The following MCPH1 variants were observed in gnomAD, a reference collection of about 807,000 sequenced individuals.
The protein encoded by MCPH1 is microcephalin.
In MCPH1, 104 loss-of-function variants were observed where a neutral mutation model predicts 84.5. That is an observed-to-expected ratio of 1.23 (90% CI 1.05 to 1.45). MCPH1 has a LOEUF of 1.45. Among genes scored for constraint, MCPH1 ranks in the 40% most tolerant of loss-of-function variants. MCPH1 has a pLI of 0.00. For missense variants in MCPH1, 1,498 were observed against 1,005.7 expected (o/e 1.49, Z -6.62); for synonymous variants, 514 against 366.8 (o/e 1.40, Z -4.58).
Position 6,445,466 on chromosome 8 carries a change from C to T in MCPH1, c.1744C>T (p.His582Tyr), listed in dbSNP as rs1210056774. The T allele has an allele frequency of 6.2e-7, 1 of 1,614,082 alleles. No homozygotes were observed. Among genetic ancestry groups the T allele is most frequent in the African/African-American group, 1.3e-5 (1 of 74,930 alleles). ...NSSEGEAQSE[H>Y]EPCFIVDCNM... is the part of the protein sequence containing the mutation. ...CTCTGAAGGCGAAGCCCAGAGTGAA[C>T]ATGAGCCATGTTTTATAGTTGACTG... The change falls in exon 8 of 14, where the codon CAT becomes TAT. Residue 582 changes from histidine (H) to tyrosine (Y), a missense_variant. Physicochemically the swap from His to Tyr is moderately conservative, Grantham distance 83. Transcript: ENST00000344683.
At chr8:6,625,614 G>T in intron 13 of MCPH1, 2 of 985,328 alleles carry the variant, frequency 2.0e-6, no homozygotes, top group South Asian at 9.4e-5. Flanking sequence ...CAACTGCTTT[G>T]TAAGGTAGGG....
intron 12 of MCPH1, among the ~76,000 whole-genome samples, chr8:6,552,863 A>C (rs79992356): frequency 0.02 from 2,983 of 152,102 alleles, 105 homozygotes; most frequent in African/African-American, 0.069. Context: ...CAGTCCGAAA[A>C]GGCTGTATAT....
chr8:6,643,359 G>A lies in MCPH1; in HGVS notation c.*310G>A, dbSNP rs952930000. On this transcript the variant is annotated 3_prime_UTR_variant, in exon 14 of 14. Transcript: ENST00000344683. ...GGCTCACTGCAACCTCCACCTCCCA[G>A]GTTCAAGCGATTCTGCTGCCTCAGC... 4 of 373,854 alleles carry A rather than the reference G, an allele frequency of 1.1e-5. No individual in the cohort carries two copies. Among genetic ancestry groups the A allele is most frequent in the African/African-American group, 8.3e-5 (4 of 47,998 alleles). 23.2% of individuals were successfully genotyped at this position (373,854 alleles called of 1,614,324 possible). A position where few individuals can be genotyped will look rare whatever the true frequency, so the allele number is the denominator to read the frequency against.
intron 11 of MCPH1, among the ~76,000 whole-genome samples, chr8:6,499,260 C>T (rs970898518): frequency 7.9e-5 from 12 of 151,806 alleles, no homozygotes; most frequent in African/African-American, 2.4e-4. Context: ...ATCATTTTAC[C>T]GTGTGGGGAT....
At chr8:6,424,954 T>G (rs1800840372) in intron 3 of MCPH1, among the ~76,000 whole-genome samples, 1 of 152,360 alleles carries the variant, frequency 6.6e-6, no homozygotes, top group South Asian at 2.1e-4. Flanking sequence ...AAAAGATTAA[T>G]GTACTTTTCC....
Position 6,406,731 on chromosome 8 carries a change from A to C in MCPH1, c.22+42A>C, listed in dbSNP as rs761490464. On this transcript the variant is annotated intron_variant, in intron 1 of 13. Coordinates refer to ENST00000344683, the MANE Select transcript of MCPH1 (RefSeq NM_024596.5). Reference sequence around the variant, plus strand: ...TGCCTGCTCCAGCAGCGGGAGTTTGAGGACCGGCACCCCTCGTCGCGGGCG... The same window carrying C: ...TGCCTGCTCCAGCAGCGGGAGTTTGCGGACCGGCACCCCTCGTCGCGGGCG... 15 of 1,608,034 alleles carry C rather than the reference A, an allele frequency of 9.3e-6. No homozygotes were observed. The Admixed American group carries it at 2.5e-4, about 27-fold the overall frequency.
At chr8:6,514,806 G>T (rs1341144243) in intron 12 of MCPH1, 1 of 1,596,748 alleles carries the variant, frequency 6.3e-7, no homozygotes, top group African/African-American at 1.3e-5. Flanking sequence ...GGGTATAAGT[G>T]ACAGAGCCCC....
At chr8:6,471,970 A>G (rs1469859084) in intron 9 of MCPH1, among the ~76,000 whole-genome samples, 2 of 152,236 alleles carry the variant, frequency 1.3e-5, no homozygotes, top group East Asian at 1.9e-4. Context: ...AAATTTATTG[A>G]GAGTTCATTA....
chr8:6,441,799 C>T (rs190940785), intron 6 of MCPH1, among the ~76,000 whole-genome samples: 1 of 152,290 alleles, frequency 6.6e-6, no homozygotes, highest in Admixed American at 6.5e-5. Flanking sequence ...GGAAGCAGTG[C>T]TCTAGTTTTA....
rs1026475012 is a variant in MCPH1 at position 6,646,612 on chromosome 8, T to A, written c.*3563T>A. 1 of 152,164 alleles carries A rather than the reference T, an allele frequency of 6.6e-6. No homozygotes were observed. Among genetic ancestry groups the A allele is most frequent in the South Asian group, 2.1e-4 (1 of 4,818 alleles). 9.4% of individuals were successfully genotyped at this position (152,164 alleles called of 1,614,324 possible). A position where few individuals can be genotyped will look rare whatever the true frequency, so the allele number is the denominator to read the frequency against. On this transcript the variant is annotated 3_prime_UTR_variant, in exon 14 of 14. Coordinates refer to ENST00000344683, the MANE Select transcript of MCPH1 (RefSeq NM_024596.5). ...TAGCTCAACGTGGACTATATCAGGG[T>A]TTCTCAACATCAGCAGTGTTGGCGT...
chr8:6,527,506 C>G, intron 12 of MCPH1: 2 of 1,586,734 alleles, frequency 1.3e-6, no homozygotes, highest in Non-Finnish European at 8.6e-7. Flanking sequence ...ACTTTCATAT[C>G]TGGAAAGTGT....
chr8:6,512,106 C>G (rs546958791), intron 12 of MCPH1, among the ~76,000 whole-genome samples: 19 of 152,078 alleles, frequency 1.2e-4, no homozygotes, highest in Admixed American at 3.9e-4. Flanking sequence ...CCAGGAGAGC[C>G]TGATCTTTCC....
chr8:6,613,977 C>T (rs953554200), intron 12 of MCPH1, among the ~76,000 whole-genome samples: 16 of 152,210 alleles, frequency 1.1e-4, no homozygotes, highest in African/African-American at 3.6e-4. Context: ...TGCTCCGTTC[C>T]TATTTCTCTG....
chr8:6,514,615 G>T, intron 12 of MCPH1: 2 of 1,454,620 alleles, frequency 1.4e-6, no homozygotes, highest in Non-Finnish European at 1.9e-6. Context: ...AGGTTCCGCA[G>T]ATCTTGAAAG....
intron 12 of MCPH1, among the ~76,000 whole-genome samples, chr8:6,526,494 T>C (rs1818374409): frequency 6.6e-6 from 1 of 151,982 alleles, no homozygotes; most frequent in Non-Finnish European, 1.5e-5. Flanking sequence ...CAATGATTGG[T>C]CTCAAATGTT....
chr8:6,640,974 T>A (rs1168404205), intron 13 of MCPH1, among the ~76,000 whole-genome samples: 1 of 152,218 alleles, frequency 6.6e-6, no homozygotes, highest in Non-Finnish European at 1.5e-5. Flanking sequence ...CGTCCATTGA[T>A]CTGTTTGTCT....
intron 12 of MCPH1, among the ~76,000 whole-genome samples, chr8:6,579,745 G>A (rs549315032): frequency 1.4e-4 from 21 of 152,286 alleles, no homozygotes; most frequent in Non-Finnish European, 2.8e-4. Context: ...GCTCTTTACA[G>A]CCCCAAAGCA....
chr8:6,619,146 T>C (rs542578118), intron 12 of MCPH1: 7 of 152,006 alleles, frequency 4.6e-5, no homozygotes, highest in African/African-American at 1.5e-4. Context: ...GGACTTCTCC[T>C]TGGGCTTGAA....
intron 12 of MCPH1, among the ~76,000 whole-genome samples, chr8:6,533,221 T>C (rs912226368): frequency 6.6e-6 from 1 of 152,234 alleles, no homozygotes; most frequent in Non-Finnish European, 1.5e-5. Context: ...CTAAAGATGA[T>C]GATCATGCTG....
Sources: allele counts gnomAD v4.1 joint callset (sites outside exome capture counted in the v4.1 genomes callset), GRCh38; gene constraint gnomAD v4.1.1; transcripts MANE v1.5; gene names NCBI Gene and HGNC (gene_info 2026-07-23, HGNC 2026-07-21).